Variants in MCUR1 observed in about 807,000 individuals in gnomAD.
The protein encoded by MCUR1 is mitochondrial calcium uniporter regulator 1.
MCUR1 carries 37 observed loss-of-function variants against 42.0 expected under a neutral mutation model. That is an observed-to-expected ratio of 0.88 (90% CI 0.68 to 1.16). MCUR1 has a LOEUF of 1.16. Ranked by LOEUF, MCUR1 falls within the 50% of genes most tolerant of loss-of-function variation. The probability of loss-of-function intolerance (pLI) is 0.00; values close to 1 mark genes in which losing one functional copy is unlikely to be tolerated. For missense variants in MCUR1, 469 were observed against 468.4 expected (o/e 1.00, Z -0.01); for synonymous variants, 229 against 196.2 (o/e 1.17, Z -1.40).
At chr6:13,793,597 C>A (rs536229408) in intron 7 of MCUR1, among the ~76,000 whole-genome samples, 1 of 152,216 alleles carries the variant, frequency 6.6e-6, no homozygotes, top group South Asian at 2.1e-4. Context: ...TCACCAGAGG[C>A]TGGAAAAGGG....
rs149226085 is a variant in MCUR1, at chr6:13,800,205, A to G, written c.783+136T>C. On this transcript the variant is annotated intron_variant, in intron 5 of 8. Coordinates refer to ENST00000379170, the MANE Select transcript of MCUR1 (RefSeq NM_001031713.4). ...GCTGTGTTCTTAGCTAAATCTTCCA[A>G]TGTGTACTTTTGAGGCATATTACAC... is the stretch of plus-strand genomic sequence containing the variant. The G allele has an allele frequency of 2.2e-5, 13 of 604,528 alleles. No homozygotes were observed. In the East Asian group the frequency reaches 3.6e-4, roughly 17 times the overall value. 37.4% of individuals were successfully genotyped at this position (604,528 alleles called of 1,614,324 possible). A position where few individuals can be genotyped will look rare whatever the true frequency, so the allele number is the denominator to read the frequency against.
At chr6:13,811,398 G>T (rs774869830) in intron 1 of MCUR1, among the ~76,000 whole-genome samples, 4 of 152,054 alleles carry the variant, frequency 2.6e-5, no homozygotes, top group Admixed American at 2.6e-4. Flanking sequence ...TTATGAAACT[G>T]TCTAGAGGGA....
chr6:13,799,822 ATTTTCT>A (rs1759948706), intron 5 of MCUR1, among the ~76,000 whole-genome samples: 1 of 129,150 alleles, frequency 7.7e-6, no homozygotes, highest in Non-Finnish European at 1.6e-5. Context: ...CTAGAACACA[ATTTTCT>A]TTTTTTTTTT....
In MCUR1 at chr6:13,788,321, C is replaced by T. The variant is rs1457853637; in HGVS notation, c.*2488G>A. 1.3e-5 allele frequency: 2 copies of T among 152,148 alleles called. No individual in the cohort carries two copies. Among genetic ancestry groups the T allele is most frequent in the African/African-American group, 4.8e-5 (2 of 41,418 alleles). 9.4% of individuals were successfully genotyped at this position (152,148 alleles called of 1,614,324 possible). ...AATAAAGTGAACACAGTCCTGAGCCCTCCTCTCTCCAGATATGCATGCAAT... is the reference window on the plus strand; with the variant it reads ...AATAAAGTGAACACAGTCCTGAGCCTTCCTCTCTCCAGATATGCATGCAAT... On this transcript the variant is annotated 3_prime_UTR_variant, in exon 9 of 9. Transcript: ENST00000379170.
chr6:13,807,554 T>C (rs1760137706), intron 1 of MCUR1, among the ~76,000 whole-genome samples: 1 of 152,222 alleles, frequency 6.6e-6, no homozygotes, highest in Non-Finnish European at 1.5e-5. Context: ...TGTGTATCCA[T>C]TTACTAGTTG....
intron 5 of MCUR1, among the ~76,000 whole-genome samples, chr6:13,799,535 T>C (rs2113463899): frequency 6.6e-6 from 1 of 152,290 alleles, no homozygotes; most frequent in Non-Finnish European, 1.5e-5. Context: ...ATGGAACTTA[T>C]GAATAAAGCT....
At chr6:13,801,940 T>C (rs890811667) in intron 3 of MCUR1, among the ~76,000 whole-genome samples, 4 of 152,182 alleles carry the variant, frequency 2.6e-5, no homozygotes, top group Admixed American at 2.6e-4. Context: ...GGTGGTGATG[T>C]GAAGACTCGA....
intron 2 of MCUR1, among the ~76,000 whole-genome samples, chr6:13,806,654 G>A (rs193054662): frequency 5.9e-5 from 9 of 152,310 alleles, no homozygotes; most frequent in African/African-American, 1.9e-4. Context: ...AGCCAGACAT[G>A]GTGGTGTGTG....
Position 13,801,364 on chromosome 6 carries a change from G to T in MCUR1, c.665C>A (p.Ser222Tyr). 1 of 1,611,678 alleles carries T rather than the reference G, an allele frequency of 6.2e-7. No individual in the cohort carries two copies. Among genetic ancestry groups the T allele is most frequent in the South Asian group, 1.1e-5 (1 of 90,928 alleles). Residue 222 changes from serine to tyrosine, a missense_variant, in exon 4 of 9, where the codon TCT becomes TAT. Coordinates refer to ENST00000379170, the MANE Select transcript of MCUR1 (RefSeq NM_001031713.4). ...ATCCTTTTTCACATTCGCAATCTGAGACATTACTTGCTGAAAAGTGATTTC... is the reference window on the plus strand; with the variant it reads ...ATCCTTTTTCACATTCGCAATCTGATACATTACTTGCTGAAAAGTGATTTC... The part of the protein sequence containing the change: ...QQEITFQQVM[S>Y]QIANVKKDMI...
At chr6:13,800,554 T>C in intron 4 of MCUR1, among the ~76,000 whole-genome samples, 172 bp from the exon 5 acceptor site, 1 of 152,222 alleles carries the variant, frequency 6.6e-6, no homozygotes. Context: ...CAGTTTGAAT[T>C]CATCTTGAAG....
At chr6:13,811,082 T>C (rs1760223420) in intron 1 of MCUR1, among the ~76,000 whole-genome samples, 3 of 152,224 alleles carry the variant, frequency 2.0e-5, no homozygotes. Context: ...TTACTGAGTA[T>C]ACATTATGTT....
intron 3 of MCUR1, 25 bp from the exon 4 acceptor site, chr6:13,801,414 T>C (rs1759986263): frequency 6.6e-7 from 1 of 1,510,096 alleles, no homozygotes; most frequent in Admixed American, 1.7e-5. Context: ...ACAAAACACA[T>C]AATCTAGTCT....
chr6:13,795,706 G>T (rs1759839728), intron 6 of MCUR1, among the ~76,000 whole-genome samples: 1 of 152,134 alleles, frequency 6.6e-6, no homozygotes, highest in Non-Finnish European at 1.5e-5. Flanking sequence ...AAGGCAAAAG[G>T]ATGATACAGT....
At chr6:13,802,124 G>T in intron 3 of MCUR1, 119 bp downstream of exon 3, 2 of 657,092 alleles carry the variant, frequency 3.0e-6, no homozygotes, top group Non-Finnish European at 5.0e-6. Flanking sequence ...CTTAATCATG[G>T]TAAAAGTTAC....
intron 5 of MCUR1, among the ~76,000 whole-genome samples, chr6:13,800,129 C>A (rs1759959036): frequency 6.6e-6 from 1 of 152,096 alleles, no homozygotes; most frequent in Non-Finnish European, 1.5e-5. Context: ...CCATGCCTGG[C>A]CACAATTTTC....
intron 8 of MCUR1, among the ~76,000 whole-genome samples, chr6:13,791,542 A>G (rs971183110): frequency 6.6e-6 from 1 of 152,216 alleles, no homozygotes; most frequent in Non-Finnish European, 1.5e-5. Context: ...CAGAAAGATT[A>G]CAACTGAAAC....
intron 4 of MCUR1, 21 bp from the exon 5 acceptor site, chr6:13,800,403 A>G (rs754100244): frequency 5.3e-6 from 6 of 1,123,994 alleles, no homozygotes; most frequent in African/African-American, 3.0e-5. Flanking sequence ...ATAAAAAAAA[A>G]GTCATTAGAA....
chr6:13,792,120 A>G, intron 7 of MCUR1, 128 bp from the exon 8 acceptor site: 1 of 685,340 alleles, frequency 1.5e-6, no homozygotes, highest in Non-Finnish European at 2.5e-6. Context: ...CCTGGGCTTT[A>G]GTCTCAGTTC....
In MCUR1 at chr6:13,786,688, C is replaced by T. The variant is rs761381600; in HGVS notation, c.*4121G>A. 2 of 152,062 alleles carry T rather than the reference C, an allele frequency of 1.3e-5. No homozygotes were observed. The highest frequency in any genetic ancestry group is 2.9e-5 in the Non-Finnish European group (2 of 68,008). 9.4% of individuals were successfully genotyped at this position (152,062 alleles called of 1,614,324 possible). A position where few individuals can be genotyped will look rare whatever the true frequency, so the allele number is the denominator to read the frequency against. ...TTGCAATACAGTTATTCTAGCTTTT[C>T]ATATTCAATTTGAATGATCAGAAAA... On this transcript the variant is annotated 3_prime_UTR_variant, in exon 9 of 9. Transcript: ENST00000379170.
Sources: allele counts gnomAD v4.1 joint callset (sites outside exome capture counted in the v4.1 genomes callset), GRCh38; gene constraint gnomAD v4.1.1; transcripts MANE v1.5; gene names NCBI Gene and HGNC (gene_info 2026-07-23, HGNC 2026-07-21).